NAV3: variants seen among roughly 807,000 people sequenced by gnomAD.
The protein encoded by NAV3 is pore membrane and/or filament interacting like protein 1.
In NAV3, 87 loss-of-function variants were observed where a neutral mutation model predicts 244.7. The observed-to-expected ratio is 0.36, with a 90% CI of 0.30 to 0.42. NAV3 has a LOEUF of 0.42. Among genes scored for constraint, NAV3 ranks in the 20% least tolerant of loss-of-function variants. The pLI, the probability that NAV3 is intolerant of heterozygous loss-of-function variation, is 1.00. For missense variants in NAV3, 2,663 were observed against 2,893.3 expected, an observed-to-expected ratio of 0.92 and a Z score of 1.83; for synonymous variants, 1,126 against 1,042.2, an observed-to-expected ratio of 1.08 and a Z score of -1.55.
At chr12:78,109,564 C>T (rs996974936) in intron 12 of NAV3, among the ~76,000 whole-genome samples, 5 of 151,834 alleles carry the variant, frequency 3.3e-5, no homozygotes, top group Admixed American at 6.6e-5. Flanking sequence ...TACTGGCAAA[C>T]GGAATCCAAC....
chr12:78,032,697 C>A (rs1566038853), intron 9 of NAV3, among the ~76,000 whole-genome samples: 1 of 152,120 alleles, frequency 6.6e-6, no homozygotes, highest in Non-Finnish European at 1.5e-5. Context: ...ATCATGACCT[C>A]AATATTACAG....
At chr12:77,729,453 T>G (rs1877027005) in intron 2 of NAV3, among the ~76,000 whole-genome samples, 1 of 151,862 alleles carries the variant, frequency 6.6e-6, no homozygotes, top group African/African-American at 2.4e-5. Flanking sequence ...CCCACTAAAA[T>G]ATTAGTGAAG....
At chr12:78,007,564 A>G (rs1874461377) in intron 8 of NAV3, 119 bp downstream of exon 8, 1 of 1,109,702 alleles carries the variant, frequency 9.0e-7, no homozygotes, top group Non-Finnish European at 1.2e-6. Context: ...GTAAAGTTTC[A>G]TGCTAAAGAT....
Position 77,894,750 on chromosome 12 carries a change from A to G in NAV3, c.244-45569A>G, listed in dbSNP as rs912055088. ...AGGGAGAGTTGGGTAACTGAAGAGT[A>G]CAGGCTCTGTATGAAAGGGAAAGCT... On this transcript the variant is annotated intron_variant, in intron 1 of 39. Coordinates refer to ENST00000397909, the MANE Select transcript of NAV3 (RefSeq NM_001024383.2). 6.6e-5 allele frequency among the ~76,000 whole-genome samples: 10 copies of G among 152,234 alleles called. No individual in the cohort carries two copies. The East Asian group carries it at 1.9e-3, about 29-fold the overall frequency.
intron 1 of NAV3, among the ~76,000 whole-genome samples, chr12:77,867,161 G>GA (rs1880175273): frequency 6.6e-6 from 1 of 152,110 alleles, no homozygotes; most frequent in Admixed American, 6.5e-5. Flanking sequence ...GACCCGGTGG[G>GA]AGATAATTGA....
chr12:77,653,828 AC>A (rs1404834449), intron 2 of NAV3, among the ~76,000 whole-genome samples: 1 of 152,166 alleles, frequency 6.6e-6, no homozygotes, highest in Non-Finnish European at 1.5e-5. Context: ...AGCTCTGTAC[AC>A]ATACACACAT....
intron 5 of NAV3, among the ~76,000 whole-genome samples, chr12:77,984,269 G>A (rs756906412): frequency 3.0e-4 from 45 of 152,288 alleles, no homozygotes; most frequent in South Asian, 6.2e-4. Context: ...GAGACCAAGA[G>A]CCACAGTTAA....
At chr12:77,858,714 A>G (rs1344881937) in intron 1 of NAV3, among the ~76,000 whole-genome samples, 1 of 152,042 alleles carries the variant, frequency 6.6e-6, no homozygotes, top group Non-Finnish European at 1.5e-5. Context: ...TGTTCATGTT[A>G]AACCCCAGGA....
chr12:77,860,504 A>C (rs1359201558), intron 1 of NAV3, among the ~76,000 whole-genome samples: 1 of 151,674 alleles, frequency 6.6e-6, no homozygotes, highest in Admixed American at 6.6e-5. Context: ...AATGTTGCTG[A>C]GGTTTAAATA....
In NAV3 at chr12:78,186,036, G is replaced by A. The variant is rs557449204; in HGVS notation, c.5790+338G>A. Among the ~76,000 whole-genome samples the A allele has an allele frequency of 1.3e-4, 20 of 151,920 alleles. 1 individual carries two copies. In the South Asian group the frequency reaches 4.1e-3, roughly 32 times the overall value. ...TTGTTATAGGTAATGTTTATGATGTGCAGTCGCTAGAGCTGTCAATATGGT... is the reference window on the plus strand; with the variant it reads ...TTGTTATAGGTAATGTTTATGATGTACAGTCGCTAGAGCTGTCAATATGGT... On this transcript the variant is annotated intron_variant, in intron 31 of 39. Coordinates refer to ENST00000397909, the MANE Select transcript of NAV3 (RefSeq NM_001024383.2).
chr12:78,140,255 C>T (rs760030261), intron 19 of NAV3, 27 bp from the exon 20 acceptor site: 16 of 1,603,340 alleles, frequency 1.0e-5, no homozygotes, highest in Non-Finnish European at 2.6e-6. Context: ...ATTGTTTTAA[C>T]TCTATTGTTC....
chr12:77,979,978 G>A (rs897984167), intron 5 of NAV3, among the ~76,000 whole-genome samples: 2 of 152,114 alleles, frequency 1.3e-5, no homozygotes, highest in Non-Finnish European at 2.9e-5. Flanking sequence ...GGGTTTATAT[G>A]GCAAGGAAGA....
At chr12:77,646,302 T>C (rs1433395999) in intron 2 of NAV3, among the ~76,000 whole-genome samples, 1 of 152,140 alleles carries the variant, frequency 6.6e-6, no homozygotes, top group Non-Finnish European at 1.5e-5. Context: ...TATATAATTT[T>C]AGGTGAAAAG....
intron 10 of NAV3, 33 bp downstream of exon 10, chr12:78,050,134 T>A (rs2137230543): frequency 6.9e-7 from 1 of 1,443,800 alleles, no homozygotes; most frequent in African/African-American, 1.4e-5. Flanking sequence ...TTTGAGCCAA[T>A]AAAGAAAAAA....
intron 2 of NAV3, among the ~76,000 whole-genome samples, chr12:77,664,522 T>A (rs1319698181): frequency 1.3e-5 from 2 of 152,184 alleles, no homozygotes; most frequent in African/African-American, 4.8e-5. Context: ...TCATTAATAA[T>A]GACAAACATG....
At chr12:77,918,804 C>T (rs1396400659) in intron 1 of NAV3, among the ~76,000 whole-genome samples, 6 of 152,026 alleles carry the variant, frequency 3.9e-5, no homozygotes, top group Middle Eastern at 3.2e-3. Flanking sequence ...CCAAAGCCAT[C>T]GTACAAGTGA....
At chr12:77,600,868 T>C (rs1465839928) in intron 2 of NAV3, among the ~76,000 whole-genome samples, 3 of 151,924 alleles carry the variant, frequency 2.0e-5, no homozygotes, top group African/African-American at 7.2e-5. Flanking sequence ...TTTTACACAT[T>C]CTGAGCCTTA....
chr12:77,726,139 G>C (rs556398572), intron 2 of NAV3, among the ~76,000 whole-genome samples: 2 of 151,080 alleles, frequency 1.3e-5, no homozygotes, highest in South Asian at 4.2e-4. Context: ...TCTTTGGAGA[G>C]GGGATTATTT....
chr12:78,127,285 G>C (rs878966947), intron 17 of NAV3, 77 bp downstream of exon 17: 1 of 1,423,346 alleles, frequency 7.0e-7, no homozygotes, highest in Admixed American at 1.8e-5. Context: ...TTCCTTCTTT[G>C]TTTGTTTGCA....
Sources: allele counts gnomAD v4.1 joint callset (sites outside exome capture counted in the v4.1 genomes callset), GRCh38; gene constraint gnomAD v4.1.1; transcripts MANE v1.5; gene names NCBI Gene and HGNC (gene_info 2026-07-23, HGNC 2026-07-21).